The following COMMD1 variants were observed in gnomAD, a reference collection of about 807,000 sequenced individuals.
COMMD1 encodes the protein copper metabolism domain containing 1.
Under a neutral mutation model 17.2 loss-of-function variants are expected in COMMD1, and 10 were observed. The observed-to-expected ratio is 0.58, with a 90% CI of 0.36 to 0.99. The LOEUF is 0.99. COMMD1 is among the 50% of genes least tolerant of loss of function. The pLI is 0.01. For missense variants in COMMD1, 270 were observed against 231.8 expected (o/e 1.17, Z -1.07); for synonymous variants, 97 against 91.6 (o/e 1.06, Z -0.34).
At chr2:61,954,561 A>G (rs1671143771) in intron 1 of COMMD1, among the ~76,000 whole-genome samples, 1 of 152,222 alleles carries the variant, frequency 6.6e-6, no homozygotes, top group Admixed American at 6.5e-5. Context: ...ATTAACAGTG[A>G]AGAGAGGAGT....
At chr2:61,951,969 A>G (rs1307603970) in intron 1 of COMMD1, among the ~76,000 whole-genome samples, 2 of 152,216 alleles carry the variant, frequency 1.3e-5, no homozygotes, top group African/African-American at 4.8e-5. Flanking sequence ...TCAATAGTTC[A>G]TTCCTTTTTA....
intron 2 of COMMD1, among the ~76,000 whole-genome samples, chr2:62,097,177 G>C (rs1672035989): frequency 6.6e-6 from 1 of 152,170 alleles, no homozygotes; most frequent in Non-Finnish European, 1.5e-5. Context: ...TAGCTCTTAG[G>C]TCTTGAACAA....
chr2:61,990,416 C>T (rs1672216043), intron 1 of COMMD1, among the ~76,000 whole-genome samples: 1 of 152,142 alleles, frequency 6.6e-6, no homozygotes, highest in Non-Finnish European at 1.5e-5. Flanking sequence ...ACTGGGCACA[C>T]TGCCTGACAC....
chr2:62,003,553 CAAAAA>C (rs778442552), intron 2 of COMMD1, among the ~76,000 whole-genome samples: 71 of 143,452 alleles, frequency 4.9e-4, no homozygotes, highest in African/African-American at 1.6e-3. Context: ...AAAAAAAAAA[CAAAAA>C]AAACTTGTCT....
At chr2:61,981,299 T>A (rs1284768530) in intron 1 of COMMD1, among the ~76,000 whole-genome samples, 1 of 152,236 alleles carries the variant, frequency 6.6e-6, no homozygotes, top group Non-Finnish European at 1.5e-5. Flanking sequence ...GATTTAAGTC[T>A]CTCATCCATT....
At chr2:62,034,328 C>T (rs531582895) in intron 2 of COMMD1, among the ~76,000 whole-genome samples, 11 of 151,792 alleles carry the variant, frequency 7.2e-5, no homozygotes, top group South Asian at 2.1e-4. Context: ...TTGGAAATCC[C>T]GTCTCTATTA....
intron 2 of COMMD1, among the ~76,000 whole-genome samples, chr2:62,056,016 C>G (rs963460174): frequency 6.6e-6 from 1 of 152,230 alleles, no homozygotes; most frequent in Non-Finnish European, 1.5e-5. Flanking sequence ...AGCTGCAGAA[C>G]TATTCAAGTC....
chr2:62,007,412 C>G (rs1251192750), intron 2 of COMMD1, among the ~76,000 whole-genome samples: 1 of 151,990 alleles, frequency 6.6e-6, no homozygotes, highest in Non-Finnish European at 1.5e-5. Context: ...CCTCTAATCT[C>G]GAGGGAAAGT....
intron 1 of COMMD1, among the ~76,000 whole-genome samples, chr2:61,892,915 T>C (rs1669468450): frequency 6.6e-6 from 1 of 151,854 alleles, no homozygotes; most frequent in East Asian, 1.9e-4. Context: ...TCGCCCAGCC[T>C]GGAGTGCAGT....
At chr2:61,957,114 G>GT (rs1414458252) in intron 1 of COMMD1, among the ~76,000 whole-genome samples, 1 of 151,192 alleles carries the variant, frequency 6.6e-6, no homozygotes, top group Non-Finnish European at 1.5e-5. Flanking sequence ...GTGTGTGTGT[G>GT]TGTGTGTAAA....
In COMMD1 at chr2:62,123,534, C is replaced by CAGGA. The variant is rs200053788; in HGVS notation, c.463-12279_463-12276dup. Among the ~76,000 whole-genome samples, 23 of 137,308 alleles carry CAGGA rather than the reference C, an allele frequency of 1.7e-4. No individual in the cohort carries two copies. The East Asian group carries it at 3.2e-3, about 19-fold the overall frequency. 90.1% of individuals were successfully genotyped at this position (137,308 alleles called of 152,430 possible). On this transcript the variant is annotated intron_variant, in intron 2 of 2. Coordinates refer to ENST00000311832, the MANE Select transcript of COMMD1 (RefSeq NM_152516.4). ...AATTAAAAAAAAAGAAAAAAAAAAA[C>CAGGA]AGGAAGGAAGGAAGGAAGGAAAGAA...
At chr2:61,983,288 C>G (rs1452101588) in intron 1 of COMMD1, among the ~76,000 whole-genome samples, 1 of 150,634 alleles carries the variant, frequency 6.6e-6, no homozygotes, top group Non-Finnish European at 1.5e-5. Context: ...ATCCTGGGTT[C>G]AAGTGATTCT....
chr2:61,998,731 A>G (rs1210647420), intron 1 of COMMD1, among the ~76,000 whole-genome samples: 1 of 152,172 alleles, frequency 6.6e-6, no homozygotes, highest in Non-Finnish European at 1.5e-5. Flanking sequence ...TTGATTTAAA[A>G]TCAGATATGT....
chr2:61,891,906 A>G (rs866465891), intron 1 of COMMD1, among the ~76,000 whole-genome samples: 19 of 151,412 alleles, frequency 1.3e-4, no homozygotes, highest in African/African-American at 4.1e-4. Flanking sequence ...ATCTCGGCTC[A>G]CTGCAAGCTC....
intron 1 of COMMD1, among the ~76,000 whole-genome samples, chr2:61,924,833 GGAA>G (rs1246186518): frequency 6.6e-6 from 1 of 152,166 alleles, no homozygotes; most frequent in Non-Finnish European, 1.5e-5. Context: ...AGTGGGTAGA[GGAA>G]GAAGAGACTG....
At chr2:62,090,226 A>T (rs1375295557) in intron 2 of COMMD1, among the ~76,000 whole-genome samples, 1 of 150,592 alleles carries the variant, frequency 6.6e-6, no homozygotes, top group Non-Finnish European at 1.5e-5. Flanking sequence ...CAAACACCAT[A>T]AAGATAGCAA....
At chr2:61,941,602 G>A (rs76108856) in intron 1 of COMMD1, among the ~76,000 whole-genome samples, 1 of 152,142 alleles carries the variant, frequency 6.6e-6, no homozygotes, top group African/African-American at 2.4e-5. Flanking sequence ...AGGAAGTCCC[G>A]TTCTCAGGGC....
chr2:61,965,606 AC>A (rs1400325274), intron 1 of COMMD1, among the ~76,000 whole-genome samples: 1 of 152,184 alleles, frequency 6.6e-6, no homozygotes, highest in Non-Finnish European at 1.5e-5. Flanking sequence ...CTTGTACATG[AC>A]CCAGAAAAAC....
intron 2 of COMMD1, among the ~76,000 whole-genome samples, chr2:62,044,837 T>TAAAAAAAAAAAAAAAAAAAAA (rs542859899): frequency 8.5e-6 from 1 of 117,040 alleles, no homozygotes. Flanking sequence ...GCTCCTAACT[T>TAAAAAAAAAAAAAAAAAAAAA]AAAAAAAAAA....
Sources: gnomAD v4.1 joint callset for allele counts (sites outside exome capture counted in the v4.1 genomes callset) on GRCh38, gnomAD v4.1.1 for gene constraint, MANE v1.5 for transcripts, NCBI Gene and HGNC (gene_info 2026-07-23, HGNC 2026-07-21) for gene names.